The following ADAMTS9 variants were observed in gnomAD, a reference collection of about 807,000 sequenced individuals.
ADAMTS9 encodes ADAM metallopeptidase with thrombospondin type 1 motif 9.
ADAMTS9 carries 107 observed loss-of-function variants against 257.1 expected under a neutral mutation model. The ratio of observed to expected loss-of-function variants is 0.42; its 90% CI spans 0.36 to 0.49. ADAMTS9 has a LOEUF of 0.49. Ranked by LOEUF, ADAMTS9 falls within the 20% of genes least tolerant of loss-of-function variation. ADAMTS9 has a pLI of 0.03. For synonymous variants in ADAMTS9, 982 were observed against 880.9 expected, an observed-to-expected ratio of 1.11 and a Z score of -2.03; for missense variants, 2,353 against 2,469.1, an observed-to-expected ratio of 0.95 and a Z score of 1.00.
intron 16 of ADAMTS9, among the ~76,000 whole-genome samples, chr3:64,629,660 T>C (rs1700318281): frequency 6.6e-6 from 1 of 152,254 alleles, no homozygotes; most frequent in South Asian, 2.1e-4. Context: ...TTTTCTTATC[T>C]ATCAGGTTAC....
intron 12 of ADAMTS9, 148 bp downstream of exon 12, chr3:64,641,700 G>T: frequency 1.1e-6 from 1 of 922,440 alleles, no homozygotes; most frequent in Non-Finnish European, 1.6e-6. Flanking sequence ...AATAGACTTT[G>T]GGTACCGTGG....
chr3:64,532,204 A>G (rs1408989280), intron 38 of ADAMTS9, among the ~76,000 whole-genome samples: 1 of 152,240 alleles, frequency 6.6e-6, no homozygotes, highest in Admixed American at 6.5e-5. Context: ...CAAGTTGGAA[A>G]TATCATTAAG....
intron 8 of ADAMTS9, among the ~76,000 whole-genome samples, chr3:64,653,788 T>C (rs1441409075): frequency 4.6e-5 from 7 of 152,190 alleles, no homozygotes; most frequent in Admixed American, 1.3e-4. Flanking sequence ...GAAAGGCCAT[T>C]TCATAACGGC....
chr3:64,628,362 T>C (rs1013583094), intron 16 of ADAMTS9, among the ~76,000 whole-genome samples: 1 of 152,148 alleles, frequency 6.6e-6, no homozygotes, highest in African/African-American at 2.4e-5. Context: ...AAGGGAAGAA[T>C]AGCAGAGAAT....
chr3:64,616,775 C>A (rs946080369), intron 19 of ADAMTS9, among the ~76,000 whole-genome samples: 9 of 152,018 alleles, frequency 5.9e-5, no homozygotes, highest in East Asian at 5.8e-4. Flanking sequence ...AAATAAATGA[C>A]CTTAAAATGT....
chr3:64,655,786 T>C lies in ADAMTS9; in HGVS notation c.1053+6A>G. 10 of 1,569,164 alleles carry C rather than the reference T, an allele frequency of 6.4e-6. No homozygotes were observed. The Middle Eastern group carries it at 1.5e-3, about 242-fold the overall frequency. ...GATAGAAGAAAAAAGAAAAAAACTT[T>C]ATTACCTGTTCATTATGAATCACAA... On this transcript the variant is annotated splice_donor_region_variant and intron_variant, in intron 5 of 39. Transcript: ENST00000498707.
chr3:64,561,632 G>A lies in ADAMTS9; in HGVS notation c.4644C>T (p.Asp1548=), dbSNP rs372148637. The A allele has an allele frequency of 8.0e-5, 129 of 1,613,974 alleles. No homozygotes were observed. The highest frequency in any genetic ancestry group is 1.0e-4 in the Non-Finnish European group (118 of 1,179,998). The part of the protein sequence containing the change: ...NPYTRPESER[D]CQGPRCPLYT... ...AGAGGGGACACCGTGGGCCTTGGCA[G>A]TCGCGTTCCGACTCCGGTCTGGTGT... The change falls in exon 30 of 40, where the codon GAC becomes GAT. Residue 1548 remains aspartate (D), a synonymous_variant. Coordinates refer to ENST00000498707, the MANE Select transcript of ADAMTS9 (RefSeq NM_182920.2).
rs769458833 is a variant in ADAMTS9 at position 64,539,242 on chromosome 3, G to A, written c.5574C>T (p.Ala1858=). 1.1e-5 allele frequency: 17 copies of A among 1,613,968 alleles called. 1 individual carries two copies. The highest frequency in any genetic ancestry group is 8.9e-5 in the East Asian group (4 of 44,888). The part of the protein sequence containing the change: ...RTSEGHPVPF[A]TAGDCYSAAK... ...CAGCGCTGTAGCAATCCCCGGCTGT[G>A]GCAAAAGGGACGGGATGTCCTTCGC... The change falls in exon 37 of 40, where the codon GCC becomes GCT. Residue 1858 remains alanine (A), a synonymous_variant. Transcript: ENST00000498707.
At chr3:64,517,403 C>A (rs1229654217) in intron 39 of ADAMTS9, among the ~76,000 whole-genome samples, 1 of 43,882 alleles carries the variant, frequency 2.3e-5, no homozygotes, top group Admixed American at 2.5e-4. Flanking sequence ...TCAAGCCCAG[C>A]TAATTAAAAA....
At chr3:64,633,937 C>T (rs1700433590) in intron 12 of ADAMTS9, 58 bp from the exon 13 acceptor site, 3 of 1,446,744 alleles carry the variant, frequency 2.1e-6, no homozygotes, top group South Asian at 1.3e-5. Context: ...TTCCTCTGAA[C>T]ATCACTCCTT....
At chr3:64,646,861 G>A (rs1187354565) in intron 11 of ADAMTS9, among the ~76,000 whole-genome samples, 1 of 151,982 alleles carries the variant, frequency 6.6e-6, no homozygotes, top group Non-Finnish European at 1.5e-5. Flanking sequence ...GGTGGGGAGG[G>A]GCTGCACCAA....
intron 10 of ADAMTS9, among the ~76,000 whole-genome samples, chr3:64,648,371 C>T (rs1168432869): frequency 6.6e-6 from 1 of 152,142 alleles, no homozygotes; most frequent in African/African-American, 2.4e-5. Flanking sequence ...TAGTGTTCAT[C>T]ACTTCATCAT....
intron 29 of ADAMTS9, among the ~76,000 whole-genome samples, chr3:64,567,052 T>C (rs2083562908): frequency 6.6e-6 from 1 of 152,202 alleles, no homozygotes; most frequent in East Asian, 1.9e-4. Flanking sequence ...TGTTTCATTA[T>C]GATAAAGGCC....
chr3:64,522,329 G>A (rs2082864084), intron 38 of ADAMTS9, 69 bp from the exon 39 acceptor site: 1 of 1,388,914 alleles, frequency 7.2e-7, no homozygotes, highest in African/African-American at 1.4e-5. Flanking sequence ...CTGGCTTTTT[G>A]GGAAAACGTT....
intron 3 of ADAMTS9, among the ~76,000 whole-genome samples, chr3:64,674,230 A>T (rs1701568697): frequency 6.6e-6 from 1 of 152,202 alleles, no homozygotes; most frequent in South Asian, 2.1e-4. Context: ...CATTGCTTAT[A>T]TTGACTGTTT....
At chr3:64,640,278 G>C (rs920641355) in intron 12 of ADAMTS9, among the ~76,000 whole-genome samples, 1 of 152,174 alleles carries the variant, frequency 6.6e-6, no homozygotes, top group Non-Finnish European at 1.5e-5. Context: ...ACAGAGTACT[G>C]AGACCAGGGC....
At chr3:64,653,970 T>C (rs528474769) in intron 8 of ADAMTS9, among the ~76,000 whole-genome samples, 84 of 144,814 alleles carry the variant, frequency 5.8e-4, no homozygotes, top group East Asian at 1.1e-3. Context: ...ACAGTAATGG[T>C]GGGGGACCCT....
At chr3:64,682,571 C>G (rs1056808307) in intron 2 of ADAMTS9, among the ~76,000 whole-genome samples, 3 of 152,240 alleles carry the variant, frequency 2.0e-5, no homozygotes, top group African/African-American at 4.8e-5. Flanking sequence ...TCAAGCTCCA[C>G]TCTTCTCCTC....
At chr3:64,570,630 A>G (rs1168522221) in intron 28 of ADAMTS9, among the ~76,000 whole-genome samples, 3 of 141,512 alleles carry the variant, frequency 2.1e-5, no homozygotes, top group Non-Finnish European at 4.5e-5. Flanking sequence ...CGGGAGGCAG[A>G]GCTTGCAGTG....
Sources: gnomAD v4.1 joint callset for allele counts (sites outside exome capture counted in the v4.1 genomes callset) on GRCh38, gnomAD v4.1.1 for gene constraint, MANE v1.5 for transcripts, NCBI Gene and HGNC (gene_info 2026-07-23, HGNC 2026-07-21) for gene names.